FOXB2: variants seen among roughly 807,000 people sequenced by gnomAD.
FOXB2 encodes the protein forkhead box protein B2.
In FOXB2, 1 loss-of-function variant was observed where a neutral mutation model predicts 0.9. That is an observed-to-expected ratio of 1.09 (90% CI 0.39 to 5.18). FOXB2 has a LOEUF of 5.18. Among genes scored for constraint, FOXB2 ranks in the 30% most tolerant of loss-of-function variants. The pLI is 0.16. For synonymous variants in FOXB2, 322 were observed against 293.5 expected (o/e 1.10, Z -0.99); for missense variants, 670 against 626.6 (o/e 1.07, Z -0.74).
In FOXB2 at chr9:77,019,667, G is replaced by T. The variant is rs765506681; in HGVS notation, c.13G>T (p.Gly5Trp). The change falls in exon 1 of 1, where the codon GGG becomes TGG. Residue 5 changes from glycine to tryptophan, a missense_variant. Physicochemically the swap from Gly to Trp is radical, Grantham distance 184. Coordinates refer to ENST00000376708, the MANE Select transcript of FOXB2 (RefSeq NM_001013735.1). The surrounding 1 kb of genome is among the most constrained non-coding windows in gnomAD (Gnocchi z 4.4). The part of the protein sequence containing the change: MPRP[G>W]KSSYSDQKPP... ...GGAGCCGGGGGCGATGCCGCGGCCG[G>T]GGAAGAGCTCGTACAGCGACCAAAA... is the stretch of plus-strand genomic sequence containing the variant. 1 of 1,579,816 alleles carries T rather than the reference G, an allele frequency of 6.3e-7. No individual in the cohort carries two copies. Among genetic ancestry groups the T allele is most frequent in the East Asian group, 2.3e-5 (1 of 42,832 alleles).
chr9:77,019,879 G>C lies in FOXB2; in HGVS notation c.225G>C (p.Pro75=). ...LSFNDCFIKI[P]RRPDQPGKGS... ...TCAACGACTGCTTCATCAAGATTCCGCGGAGGCCCGACCAGCCTGGCAAGG... is the reference window on the plus strand; with the variant it reads ...TCAACGACTGCTTCATCAAGATTCCCCGGAGGCCCGACCAGCCTGGCAAGG... Residue 75 remains proline (P), a synonymous_variant, in exon 1 of 1, where the codon CCG becomes CCC. Coordinates refer to ENST00000376708, the MANE Select transcript of FOXB2 (RefSeq NM_001013735.1). This position sits in a 1 kb window ranked among gnomAD's most constrained non-coding sequence, Gnocchi z 4.4. 6.2e-7 allele frequency: 1 copy of C among 1,613,912 alleles called. No homozygotes were observed. The highest frequency in any genetic ancestry group is 8.5e-7 in the Non-Finnish European group (1 of 1,180,020).
rs1372864972 is a variant in FOXB2, at chr9:77,020,924, T to C, written c.1270T>C (p.Ser424Pro). Residue 424 changes from serine to proline, a missense_variant, in exon 1 of 1, where the codon TCC (serine) becomes CCC (proline). Ser to Pro is a moderately conservative substitution (Grantham distance 74). Transcript: ENST00000376708. The surrounding 1 kb of genome is among the most constrained non-coding windows in gnomAD (Gnocchi z 4.9). ...TACCTCGGCCGAAAGCAAGGGCGGC[T>C]CCTTGCACTCGGTGCTAGTGCACTC... ...APTSAESKGG[S>P]LHSVLVHS 1.3e-6 allele frequency: 2 copies of C among 1,576,432 alleles called. No homozygotes were observed. Among genetic ancestry groups the C allele is most frequent in the South Asian group, 2.3e-5 (2 of 87,438 alleles).
Position 77,020,444 on chromosome 9 carries a change from T to C in FOXB2, c.790T>C (p.Ser264Pro). 2.0e-6 allele frequency: 3 copies of C among 1,535,124 alleles called. No individual in the cohort carries two copies. The highest frequency in any genetic ancestry group is 1.7e-4 in the Middle Eastern group (1 of 5,728). The change falls in exon 1 of 1, where the codon TCA becomes CCA. Residue 264 changes from serine to proline, a missense_variant. By Grantham distance (74) the Ser-to-Pro change is moderately conservative. Transcript: ENST00000376708. This position sits in a 1 kb window ranked among gnomAD's most constrained non-coding sequence, Gnocchi z 4.9. The part of the protein sequence containing the change: ...AAAAAAAAST[S>P]GFKHPFAIEN... ...TGCCGCCGCGGCCGCGGCGTCCACG[T>C]CAGGCTTCAAGCACCCCTTTGCCAT...
At position 77,020,768 on chromosome 9, in the gene FOXB2, C is replaced by T; in HGVS notation, c.1114C>T (p.Leu372=). 1 of 1,587,278 alleles carries T rather than the reference C, an allele frequency of 6.3e-7. No individual in the cohort carries two copies. The highest frequency in any genetic ancestry group is 8.5e-7 in the Non-Finnish European group (1 of 1,171,448). Reference sequence around the variant, plus strand: ...GGTGCCCATCAAGCCCACGCCTGCGCTGCCGCCCGTGTCCGCGCTGCAGCC... The same window carrying T: ...GGTGCCCATCAAGCCCACGCCTGCGTTGCCGCCCGTGTCCGCGCTGCAGCC... ...MPVPIKPTPA[L]PPVSALQPGL... The change falls in exon 1 of 1, where the codon CTG becomes TTG. Residue 372 remains leucine, a synonymous_variant. Coordinates refer to ENST00000376708, the MANE Select transcript of FOXB2 (RefSeq NM_001013735.1). This position sits in a 1 kb window ranked among gnomAD's most constrained non-coding sequence, Gnocchi z 4.9.
At position 77,020,145 on chromosome 9, in the gene FOXB2, AGCCGCCGCCGCC is replaced by A. The variant is rs753771418; in HGVS notation, c.498_509del (p.Pro171_Pro174del). 2.4e-5 allele frequency: 33 copies of A among 1,355,904 alleles called. No individual in the cohort carries two copies. In the East Asian group the frequency reaches 8.0e-4, roughly 33 times the overall value. 84.0% of individuals were successfully genotyped at this position (1,355,904 alleles called of 1,614,324 possible). The stretch of plus-strand genomic sequence containing the variant: ...CACCACCATCACCACCACCCACCCC[AGCCGCCGCCGCC>A]GCCGCCCCCGCCGCCGCCGCACATG... On this transcript the variant is annotated inframe_deletion, in exon 1 of 1. Transcript: ENST00000376708. The surrounding 1 kb of genome is among the most constrained non-coding windows in gnomAD (Gnocchi z 4.9).
chr9:77,020,269 G>A lies in FOXB2; in HGVS notation c.615G>A (p.Gln205=). The A allele has an allele frequency of 7.3e-7, 1 of 1,372,528 alleles. No homozygotes were observed. Among genetic ancestry groups the A allele is most frequent in the Non-Finnish European group, 1.0e-6 (1 of 976,162 alleles). The allele number at this position is 1,372,528 out of a possible 1,614,324, so 85.0% of individuals were successfully genotyped here. The change falls in exon 1 of 1, where the codon CAG becomes CAA. Residue 205 remains glutamine, a synonymous_variant. Coordinates refer to ENST00000376708, the MANE Select transcript of FOXB2 (RefSeq NM_001013735.1). The surrounding 1 kb of genome is among the most constrained non-coding windows in gnomAD (Gnocchi z 4.9). Reference sequence around the variant, plus strand: ...AGCCCCCGCAGCAACCGCCCCAGCAGTCGCAGCCTCAGCAGCCGTCTCACC... The same window carrying A: ...AGCCCCCGCAGCAACCGCCCCAGCAATCGCAGCCTCAGCAGCCGTCTCACC... The part of the protein sequence containing the change: ...PSQPPQQPPQ[Q]SQPQQPSHPG...
Position 77,020,770 on chromosome 9 carries a change from G to T in FOXB2, c.1116G>T (p.Leu372=). 1 of 1,585,606 alleles carries T rather than the reference G, an allele frequency of 6.3e-7. No individual in the cohort carries two copies. The highest frequency in any genetic ancestry group is 8.5e-7 in the Non-Finnish European group (1 of 1,170,828). The change falls in exon 1 of 1, where the codon CTG becomes CTT. Residue 372 remains leucine (L), a synonymous_variant. Coordinates refer to ENST00000376708, the MANE Select transcript of FOXB2 (RefSeq NM_001013735.1). The surrounding 1 kb of genome is among the most constrained non-coding windows in gnomAD (Gnocchi z 4.9). ...MPVPIKPTPA[L]PPVSALQPGL... Reference sequence around the variant, plus strand: ...TGCCCATCAAGCCCACGCCTGCGCTGCCGCCCGTGTCCGCGCTGCAGCCGG... The same window carrying T: ...TGCCCATCAAGCCCACGCCTGCGCTTCCGCCCGTGTCCGCGCTGCAGCCGG...
In FOXB2 at chr9:77,020,316, C is replaced by A; in HGVS notation, c.662C>A (p.Ala221Glu). 2 of 1,190,832 alleles carry A rather than the reference C, an allele frequency of 1.7e-6. No individual in the cohort carries two copies. Among genetic ancestry groups the A allele is most frequent in the African/African-American group, 1.6e-5 (1 of 61,578 alleles). The allele number at this position is 1,190,832 out of a possible 1,614,324, so 73.8% of individuals were successfully genotyped here. Residue 221 changes from alanine to glutamate, a missense_variant, in exon 1 of 1, where the codon GCG becomes GAG. Transcript: ENST00000376708. The surrounding 1 kb of genome is among the most constrained non-coding windows in gnomAD (Gnocchi z 4.9). ...CACCCCGGCAAGATGCAGGAGGCGGCGGCCGTGGCGGCGGCGGCGGCGGCG... is the reference window on the plus strand; with the variant it reads ...CACCCCGGCAAGATGCAGGAGGCGGAGGCCGTGGCGGCGGCGGCGGCGGCG... ...PSHPGKMQEAAAVAAAAAAAA... is the reference protein window; with the variant it reads ...PSHPGKMQEAEAVAAAAAAAA...
At position 77,020,779 on chromosome 9, in the gene FOXB2, G is replaced by C; in HGVS notation, c.1125G>C (p.Val375=). The stretch of plus-strand genomic sequence containing the variant: ...AGCCCACGCCTGCGCTGCCGCCCGT[G>C]TCCGCGCTGCAGCCGGGGCTCACTG... The part of the protein sequence containing the change: ...PIKPTPALPP[V]SALQPGLTVP... The change falls in exon 1 of 1, where the codon GTG becomes GTC. Residue 375 remains valine (V), a synonymous_variant. Transcript: ENST00000376708. The surrounding 1 kb of genome is among the most constrained non-coding windows in gnomAD (Gnocchi z 4.9). 6.3e-7 allele frequency: 1 copy of C among 1,580,682 alleles called. No homozygotes were observed. The highest frequency in any genetic ancestry group is 8.6e-7 in the Non-Finnish European group (1 of 1,168,774).
chr9:77,020,504 C>A lies in FOXB2; in HGVS notation c.850C>A (p.Leu284Met). ...NIIGRDYKGV[L>M]QAGGLPLASV... ...TATTGGCCGGGACTACAAGGGCGTG[C>A]TGCAGGCTGGAGGGCTGCCCTTGGC... The change falls in exon 1 of 1, where the codon CTG becomes ATG. Residue 284 changes from leucine to methionine, a missense_variant. Physicochemically the swap from Leu to Met is conservative, Grantham distance 15 (BLOSUM62 2). Coordinates refer to ENST00000376708, the MANE Select transcript of FOXB2 (RefSeq NM_001013735.1). The surrounding 1 kb of genome is among the most constrained non-coding windows in gnomAD (Gnocchi z 4.9). 1.2e-6 allele frequency: 2 copies of A among 1,610,452 alleles called. No homozygotes were observed. Among genetic ancestry groups the A allele is most frequent in the Non-Finnish European group, 1.7e-6 (2 of 1,178,960 alleles).
In FOXB2 at chr9:77,019,919, C is replaced by T. The variant is rs756611280; in HGVS notation, c.265C>T (p.Leu89=). The T allele has an allele frequency of 1.1e-5, 17 of 1,613,604 alleles. No homozygotes were observed. The African/African-American group carries it at 2.1e-4, about 20-fold the overall frequency. The part of the protein sequence containing the change: ...DQPGKGSFWA[L]HPDCGDMFEN... ...GCCTGGCAAGGGTAGCTTCTGGGCG[C>T]TGCACCCCGACTGCGGGGACATGTT... Residue 89 remains leucine (L), a synonymous_variant, in exon 1 of 1, where the codon CTG becomes TTG. Coordinates refer to ENST00000376708, the MANE Select transcript of FOXB2 (RefSeq NM_001013735.1). The surrounding 1 kb of genome is among the most constrained non-coding windows in gnomAD (Gnocchi z 4.4).
At position 77,020,817 on chromosome 9, in the gene FOXB2, C is replaced by A; in HGVS notation, c.1163C>A (p.Ser388Ter). The A allele has an allele frequency of 6.4e-7, 1 of 1,554,794 alleles. No individual in the cohort carries two copies. The part of the protein sequence containing the change: ...LQPGLTVPAA[S>*]QQPPAPSTVC... The stretch of plus-strand genomic sequence containing the variant: ...CCGGGGCTCACTGTCCCCGCGGCTT[C>A]GCAGCAGCCTCCGGCGCCATCCACC... The change falls in exon 1 of 1, where the codon TCG (serine) becomes TAG (stop). Residue 388 changes from serine to a stop codon, truncating the protein, a stop_gained. Transcript: ENST00000376708. LOFTEE classifies it low-confidence loss of function (END_TRUNC). This position sits in a 1 kb window ranked among gnomAD's most constrained non-coding sequence, Gnocchi z 4.9.
At position 77,020,033 on chromosome 9, in the gene FOXB2, G is replaced by A. The variant is rs1028309995; in HGVS notation, c.379G>A (p.Ala127Thr). ...THLHAGSTKS[A>T]PGAGPGGHLH... is the part of the protein sequence containing the mutation. ...CTTGCACGCGGGAAGCACCAAGAGC[G>A]CGCCGGGCGCCGGTCCGGGAGGGCA... Residue 127 changes from alanine to threonine, a missense_variant, in exon 1 of 1, where the codon GCG (alanine) becomes ACG (threonine). Physicochemically the swap from Ala to Thr is moderately conservative, Grantham distance 58. Transcript: ENST00000376708. This position sits in a 1 kb window ranked among gnomAD's most constrained non-coding sequence, Gnocchi z 4.9. The A allele has an allele frequency of 1.9e-6, 3 of 1,608,160 alleles. No homozygotes were observed. Among genetic ancestry groups the A allele is most frequent in the Non-Finnish European group, 2.5e-6 (3 of 1,178,470 alleles).
At position 77,019,903 on chromosome 9, in the gene FOXB2, G is replaced by A; in HGVS notation, c.249G>A (p.Lys83=). 6.2e-7 allele frequency: 1 copy of A among 1,613,832 alleles called. No individual in the cohort carries two copies. The highest frequency in any genetic ancestry group is 8.5e-7 in the Non-Finnish European group (1 of 1,180,018). The change falls in exon 1 of 1, where the codon AAG becomes AAA. Residue 83 remains lysine (K), a synonymous_variant. Transcript: ENST00000376708. This position sits in a 1 kb window ranked among gnomAD's most constrained non-coding sequence, Gnocchi z 4.4. ...KIPRRPDQPG[K]GSFWALHPDC... ...CGCGGAGGCCCGACCAGCCTGGCAA[G>A]GGTAGCTTCTGGGCGCTGCACCCCG...
In FOXB2 at chr9:77,019,945, C is replaced by T. The variant is rs765168484; in HGVS notation, c.291C>T (p.Phe97=). 17 of 1,613,266 alleles carry T rather than the reference C, an allele frequency of 1.1e-5. No individual in the cohort carries two copies. Among genetic ancestry groups the T allele is most frequent in the South Asian group, 3.3e-5 (3 of 91,078 alleles). The change falls in exon 1 of 1, where the codon TTC becomes TTT. Residue 97 remains phenylalanine (F), a synonymous_variant. Coordinates refer to ENST00000376708, the MANE Select transcript of FOXB2 (RefSeq NM_001013735.1). The surrounding 1 kb of genome is among the most constrained non-coding windows in gnomAD (Gnocchi z 4.4). Reference sequence around the variant, plus strand: ...TGCACCCCGACTGCGGGGACATGTTCGAGAACGGCAGCTTCCTGCGGCGTC... The same window carrying T: ...TGCACCCCGACTGCGGGGACATGTTTGAGAACGGCAGCTTCCTGCGGCGTC... ...WALHPDCGDM[F]ENGSFLRRRK...
Position 77,020,367 on chromosome 9 carries a change from T to C in FOXB2, c.713T>C (p.Val238Ala). 7.5e-7 allele frequency: 1 copy of C among 1,328,638 alleles called. No individual in the cohort carries two copies. Among genetic ancestry groups the C allele is most frequent in the East Asian group, 3.6e-5 (1 of 27,842 alleles). The allele number at this position is 1,328,638 out of a possible 1,614,324, so 82.3% of individuals were successfully genotyped here. Residue 238 changes from valine (V) to alanine (A), a missense_variant, in exon 1 of 1, where the codon GTG becomes GCG. Coordinates refer to ENST00000376708, the MANE Select transcript of FOXB2 (RefSeq NM_001013735.1). This position sits in a 1 kb window ranked among gnomAD's most constrained non-coding sequence, Gnocchi z 4.9. ...AAAAAAAVGS[V>A]GRLSQFPPYG... ...GCCGCGGCAGCCGCGGTGGGCAGCG[T>C]GGGACGCCTGTCTCAGTTCCCACCC...
In FOXB2 at chr9:77,020,097, AT is replaced by A. The variant is rs1394671181; in HGVS notation, c.444del (p.His149IlefsTer189). On this transcript the variant is annotated frameshift_variant, in exon 1 of 1. Coordinates refer to ENST00000376708, the MANE Select transcript of FOXB2 (RefSeq NM_001013735.1). LOFTEE classifies it low-confidence loss of function (END_TRUNC). This position sits in a 1 kb window ranked among gnomAD's most constrained non-coding sequence, Gnocchi z 4.9. ...PHHHHHPHHH[H>X]HHHAAAHHHH... ...CACCACCACCACCCCCACCACCACC[AT>A]CATCACCACGCTGCCGCACACCACC... is the stretch of plus-strand genomic sequence containing the variant. 2 of 1,219,932 alleles carry A rather than the reference AT, an allele frequency of 1.6e-6. No individual in the cohort carries two copies. The highest frequency in any genetic ancestry group is 3.7e-5 in the African/African-American group (2 of 53,446). The allele number at this position is 1,219,932 out of a possible 1,614,324, so 75.6% of individuals were successfully genotyped here.
Position 77,020,812 on chromosome 9 carries a change from G to C in FOXB2, c.1158G>C (p.Ala386=), listed in dbSNP as rs935336231. Residue 386 remains alanine (A), a synonymous_variant, in exon 1 of 1, where the codon GCG becomes GCC. Coordinates refer to ENST00000376708, the MANE Select transcript of FOXB2 (RefSeq NM_001013735.1). The surrounding 1 kb of genome is among the most constrained non-coding windows in gnomAD (Gnocchi z 4.9). ...SALQPGLTVP[A]ASQQPPAPST... is the part of the protein sequence containing the mutation. The stretch of plus-strand genomic sequence containing the variant: ...TGCAGCCGGGGCTCACTGTCCCCGC[G>C]GCTTCGCAGCAGCCTCCGGCGCCAT... The C allele has an allele frequency of 2.1e-5, 33 of 1,557,132 alleles. No individual in the cohort carries two copies. The Admixed American group carries it at 4.4e-4, about 21-fold the overall frequency.
Position 77,020,267 on chromosome 9 carries a change from C to A in FOXB2, c.613C>A (p.Gln205Lys). ...PSQPPQQPPQ[Q>K]SQPQQPSHPG... ...ACAGCCCCCGCAGCAACCGCCCCAG[C>A]AGTCGCAGCCTCAGCAGCCGTCTCA... The change falls in exon 1 of 1, where the codon CAG becomes AAG. Residue 205 changes from glutamine to lysine, a missense_variant. By Grantham distance (53) the Gln-to-Lys change is moderately conservative. Transcript: ENST00000376708. The surrounding 1 kb of genome is among the most constrained non-coding windows in gnomAD (Gnocchi z 4.9). 2 of 1,345,242 alleles carry A rather than the reference C, an allele frequency of 1.5e-6. No homozygotes were observed. The highest frequency in any genetic ancestry group is 2.3e-5 in the South Asian group (2 of 85,766). 83.3% of individuals were successfully genotyped at this position (1,345,242 alleles called of 1,614,324 possible).
Sources: gnomAD v4.1 joint callset for allele counts on GRCh38, gnomAD v4.1.1 for gene constraint, Gnocchi (gnomAD v3.1) non-coding constraint, MANE v1.5 for transcripts, NCBI Gene and HGNC (gene_info 2026-07-23, HGNC 2026-07-21) for gene names.